The following DPP10 variants were observed in gnomAD, a reference collection of about 807,000 sequenced individuals.
The protein encoded by DPP10 is dipeptidyl peptidase like 10, also known as inactive dipeptidyl peptidase 10.
DPP10 carries 33 observed loss-of-function variants against 120.9 expected under a neutral mutation model. The observed-to-expected ratio is 0.27, with a 90% confidence interval of 0.21 to 0.37. The LOEUF (loss-of-function observed/expected upper bound fraction) is 0.37. Ranked by LOEUF, DPP10 falls within the 10% of genes least tolerant of loss-of-function variation. The pLI, the probability that DPP10 is intolerant of heterozygous loss-of-function variation, is 1.00. For synonymous variants in DPP10, 337 were observed against 326.1 expected, an observed-to-expected ratio of 1.03 and a Z score of -0.36; for missense variants, 816 against 942.8, an observed-to-expected ratio of 0.87 and a Z score of 1.76.
intron 1 of DPP10, among the ~76,000 whole-genome samples, chr2:114,687,711 G>T (rs1184679192): frequency 6.6e-6 from 1 of 152,068 alleles, no homozygotes; most frequent in East Asian, 2.0e-4. Context: ...TTTCTGATAA[G>T]TCACATCCCA....
intron 1 of DPP10, among the ~76,000 whole-genome samples, chr2:114,510,560 G>A (rs184118526): frequency 0.01 from 1,537 of 152,166 alleles, 30 homozygotes; most frequent in Non-Finnish European, 1.0e-2. Context: ...GCAAGACTGC[G>A]CCATTGCACT....
chr2:115,022,086 TC>T (rs1703116730), intron 1 of DPP10, among the ~76,000 whole-genome samples: 1 of 152,040 alleles, frequency 6.6e-6, no homozygotes, highest in African/African-American at 2.4e-5. Context: ...TTGAAAGCAT[TC>T]CCCTAAGAAC....
rs7424271 is a variant in DPP10, at chr2:114,942,348, T to C, written c.61-366891T>C. On this transcript the variant is annotated intron_variant, in intron 1 of 25. Transcript: ENST00000410059. ...ACACACATATATATATACGTATATA[T>C]ACATATATATATACATATATATACA... Among the ~76,000 whole-genome samples, 22 of 102,346 alleles carry C rather than the reference T, an allele frequency of 2.1e-4. 1 individual carries two copies. In the South Asian group the frequency reaches 4.0e-3, roughly 19 times the overall value. The allele number at this position is 102,346 out of a possible 152,430, so 67.1% of individuals were successfully genotyped here. A position where few individuals can be genotyped will look rare whatever the true frequency, so the allele number is the denominator to read the frequency against.
At chr2:115,473,155 C>A (rs2105195353) in intron 3 of DPP10, among the ~76,000 whole-genome samples, 1 of 152,188 alleles carries the variant, frequency 6.6e-6, no homozygotes, top group African/African-American at 2.4e-5. Context: ...AAAATGGGAT[C>A]AGAATTAGCA....
chr2:115,511,542 G>GT (rs1299916478), intron 4 of DPP10, among the ~76,000 whole-genome samples: 1 of 150,788 alleles, frequency 6.6e-6, no homozygotes, highest in African/African-American at 2.4e-5. Flanking sequence ...TTTCTCCATT[G>GT]TTTTTTTAGC....
intron 1 of DPP10, among the ~76,000 whole-genome samples, chr2:115,156,117 T>C (rs1183500806): frequency 1.3e-5 from 2 of 152,214 alleles, no homozygotes; most frequent in Non-Finnish European, 2.9e-5. Flanking sequence ...TCGTGTCTAA[T>C]AGATGAAACA....
chr2:115,315,561 T>C (rs1018770939), intron 2 of DPP10, among the ~76,000 whole-genome samples: 1 of 152,178 alleles, frequency 6.6e-6, no homozygotes, highest in Non-Finnish European at 1.5e-5. Context: ...GTCAAAGCAA[T>C]GATTAAACTA....
At position 115,845,306 on chromosome 2, in the gene DPP10, A is replaced by G. The variant is rs1479352184; in HGVS notation, c.*2961A>G. On this transcript the variant is annotated 3_prime_UTR_variant, in exon 26 of 26. Coordinates refer to ENST00000410059, the MANE Select transcript of DPP10 (RefSeq NM_020868.6). Reference sequence around the variant, plus strand: ...CGGCCACCAACACTGTATGGATACAATCTGGCCTCTCAGCTCTGCTCACTT... The same window carrying G: ...CGGCCACCAACACTGTATGGATACAGTCTGGCCTCTCAGCTCTGCTCACTT... 4 of 152,212 alleles carry G rather than the reference A, an allele frequency of 2.6e-5. No individual in the cohort carries two copies. The highest frequency in any genetic ancestry group is 9.7e-5 in the African/African-American group (4 of 41,446). The allele number at this position is 152,212 out of a possible 1,614,324, so 9.4% of individuals were successfully genotyped here. A position where few individuals can be genotyped will look rare whatever the true frequency, so the allele number is the denominator to read the frequency against.
At chr2:115,763,913 C>A (rs1332678960) in intron 12 of DPP10, among the ~76,000 whole-genome samples, 1 of 152,102 alleles carries the variant, frequency 6.6e-6, no homozygotes, top group East Asian at 1.9e-4. Flanking sequence ...CTACATGGAC[C>A]CTCATATGCA....
rs144102792 is a variant in DPP10 at position 114,842,206 on chromosome 2, G to C, written c.60+399368G>C. ...GAGGTGATAGAAGTAGGAGAGATTG[G>C]GTTAGTTTTGACAACAATTATGTCT... On this transcript the variant is annotated intron_variant, in intron 1 of 25. Coordinates refer to ENST00000410059, the MANE Select transcript of DPP10 (RefSeq NM_020868.6). Among the ~76,000 whole-genome samples the C allele has an allele frequency of 4.6e-5, 7 of 152,110 alleles. No individual in the cohort carries two copies. The East Asian group carries it at 1.4e-3, about 29-fold the overall frequency.
At chr2:114,673,270 G>A (rs930185545) in intron 1 of DPP10, among the ~76,000 whole-genome samples, 4 of 152,010 alleles carry the variant, frequency 2.6e-5, no homozygotes, top group African/African-American at 9.7e-5. Context: ...TGCCTAAGAC[G>A]AGCGAATAGT....
At chr2:115,656,425 A>G (rs1314130243) in intron 5 of DPP10, among the ~76,000 whole-genome samples, 1 of 151,580 alleles carries the variant, frequency 6.6e-6, no homozygotes, top group East Asian at 1.9e-4. Context: ...AGGTTTCAGA[A>G]TATCACTAAT....
intron 3 of DPP10, chr2:115,468,002 G>A (rs1451462198): frequency 3.3e-6 from 1 of 305,878 alleles, no homozygotes; most frequent in Non-Finnish European, 6.4e-6. Flanking sequence ...GCTACCCAGA[G>A]AAGGGCCCAG....
At chr2:115,431,924 G>A (rs1517370) in intron 3 of DPP10, among the ~76,000 whole-genome samples, 95,500 of 151,900 alleles carry the variant, frequency 0.63, 30,777 homozygotes, top group Middle Eastern at 0.74. Context: ...TTGGAATTTT[G>A]TTAGAATTAC....
chr2:114,597,417 G>C (rs1244457920), intron 1 of DPP10, among the ~76,000 whole-genome samples: 2 of 152,010 alleles, frequency 1.3e-5, no homozygotes, highest in Non-Finnish European at 2.9e-5. Flanking sequence ...CATGCTCAGA[G>C]TAAATATAGG....
intron 17 of DPP10, among the ~76,000 whole-genome samples, chr2:115,785,096 G>T (rs1683179796): frequency 6.6e-6 from 1 of 152,114 alleles, no homozygotes; most frequent in Non-Finnish European, 1.5e-5. Flanking sequence ...GATGACTTAG[G>T]TTCTGTTGCC....
At chr2:114,681,265 C>T (rs1212769601) in intron 1 of DPP10, among the ~76,000 whole-genome samples, 3 of 151,912 alleles carry the variant, frequency 2.0e-5, no homozygotes, top group Non-Finnish European at 4.4e-5. Flanking sequence ...TTTATGGATA[C>T]GTTTTGCTTT....
intron 1 of DPP10, among the ~76,000 whole-genome samples, chr2:115,005,886 A>G (rs1219185374): frequency 6.6e-5 from 10 of 152,062 alleles, no homozygotes; most frequent in South Asian, 2.1e-4. Context: ...GATAATCCTC[A>G]AGAAGAGCAA....
chr2:115,284,292 A>C (rs1380221839), intron 1 of DPP10, among the ~76,000 whole-genome samples: 2 of 152,002 alleles, frequency 1.3e-5, no homozygotes, highest in African/African-American at 4.8e-5. Context: ...TCTTCTCCAT[A>C]ACATTCTGAT....
Sources: allele counts gnomAD v4.1 joint callset (sites outside exome capture counted in the v4.1 genomes callset), GRCh38; gene constraint gnomAD v4.1.1; transcripts MANE v1.5; gene names NCBI Gene and HGNC (gene_info 2026-07-23, HGNC 2026-07-21).